ACTN1: variants seen among roughly 807,000 people sequenced by gnomAD.
ACTN1 encodes actinin alpha 1, also known as alpha-actinin-1.
In ACTN1, 30 loss-of-function variants were observed where a neutral mutation model predicts 119.6. The observed-to-expected ratio is 0.25, with a 90% CI of 0.19 to 0.34. ACTN1 has a LOEUF of 0.34. Ranked by LOEUF, ACTN1 falls within the 10% of genes least tolerant of loss-of-function variation. The pLI is 1.00. For synonymous variants in ACTN1, 429 were observed against 472.6 expected, an observed-to-expected ratio of 0.91 and a Z score of 1.20; for missense variants, 764 against 1,223.4, an observed-to-expected ratio of 0.62 and a Z score of 5.60.
At chr14:68,917,098 C>A (rs1048378485) in intron 3 of ACTN1, among the ~76,000 whole-genome samples, 2 of 152,190 alleles carry the variant, frequency 1.3e-5, no homozygotes, top group African/African-American at 4.8e-5. Flanking sequence ...TTTTTGAGTT[C>A]TCTCCCCTGG....
chr14:68,881,955 T>TTTTTTTTTTTTTA (rs58500225), intron 16 of ACTN1, among the ~76,000 whole-genome samples: 9 of 103,002 alleles, frequency 8.7e-5, no homozygotes, highest in African/African-American at 1.7e-4. Context: ...TTTTTTTTTT[T>TTTTTTTTTTTTTA]GACAGAGTCT....
At chr14:68,877,264 G>C (rs1276161805) in intron 20 of ACTN1, 24 bp from the exon 21 acceptor site, 2 of 1,613,404 alleles carry the variant, frequency 1.2e-6, no homozygotes, top group African/African-American at 2.7e-5. Context: ...CCAAACCCAG[G>C]CCTGTCAGCC....
At chr14:68,944,243 A>G (rs1476447768) in intron 1 of ACTN1, among the ~76,000 whole-genome samples, 1 of 152,196 alleles carries the variant, frequency 6.6e-6, no homozygotes, top group Non-Finnish European at 1.5e-5. Flanking sequence ...GGCCATTGAG[A>G]AAGACCGATG....
Position 68,904,488 on chromosome 14 carries a change from C to T in ACTN1, c.676+167G>A, listed in dbSNP as rs3742888. ...ACCTCTCTCTCCAAAGCTCAAAGAA[C>T]GATGGAAGAATCCCCAAGAGGCTGT... On this transcript the variant is annotated intron_variant, in intron 7 of 21. Transcript: ENST00000394419. Among the ~76,000 whole-genome samples, 15,285 of 152,254 alleles carry T rather than the reference C, an allele frequency of 0.1. 811 individuals are homozygous for T. Among genetic ancestry groups the T allele is most frequent in the Admixed American group, 0.11 (1,665 of 15,300 alleles).
rs753353982 is a variant in ACTN1, at chr14:68,878,727, C to CA, written c.2362-205dup. Reference sequence around the variant, plus strand: ...GTCCAAAGACAGGAGGAAGACAGAGCAGGGAGATGCAAAAATCCACCCATG... The same window carrying CA: ...GTCCAAAGACAGGAGGAAGACAGAGCAAGGGAGATGCAAAAATCCACCCATG... On this transcript the variant is annotated intron_variant, in intron 19 of 21. Transcript: ENST00000394419. This position sits in a 1 kb window ranked among gnomAD's most constrained non-coding sequence, Gnocchi z 4.4. The CA allele has an allele frequency of 3.3e-6, 5 of 1,536,904 alleles. No homozygotes were observed. Among genetic ancestry groups the CA allele is most frequent in the Non-Finnish European group, 3.5e-6 (4 of 1,147,258 alleles).
chr14:68,920,932 G>A lies in ACTN1; in HGVS notation c.340+74C>T, dbSNP rs1002247109. The A allele has an allele frequency of 3.2e-6, 5 of 1,579,548 alleles. No individual in the cohort carries two copies. In the African/African-American group the frequency reaches 4.1e-5, roughly 13 times the overall value. On this transcript the variant is annotated intron_variant, in intron 3 of 21. Transcript: ENST00000394419. ...AAGTGATGCATGGGCCCAGGAGGCA[G>A]CACAAAAAAGGCCAAGAGAACCAGG... is the stretch of plus-strand genomic sequence containing the variant.
intron 10 of ACTN1, among the ~76,000 whole-genome samples, chr14:68,890,650 G>GC (rs1311795309): frequency 6.6e-6 from 1 of 152,146 alleles, no homozygotes; most frequent in South Asian, 2.1e-4. Flanking sequence ...AAGGCAAAGG[G>GC]CCCCCGAGGT....
rs2031422633 is a variant in ACTN1, at chr14:68,880,686, G to T, written c.2133+124C>A. On this transcript the variant is annotated intron_variant, in intron 17 of 21. Transcript: ENST00000394419. This position sits in a 1 kb window ranked among gnomAD's most constrained non-coding sequence, Gnocchi z 4.6. ...AGGTACTAAAAATTGAAGATGTGAG[G>T]CTTCAGGGGTGAAGTTAATTTATCC... 6.1e-6 allele frequency: 6 copies of T among 978,564 alleles called. No homozygotes were observed. The South Asian group carries it at 8.1e-5, about 13-fold the overall frequency. 60.6% of individuals were successfully genotyped at this position (978,564 alleles called of 1,614,324 possible).
At chr14:68,907,381 T>C (rs1433439298) in intron 6 of ACTN1, among the ~76,000 whole-genome samples, 2 of 148,432 alleles carry the variant, frequency 1.3e-5, no homozygotes, top group Admixed American at 6.7e-5. Context: ...CTGACCAACA[T>C]GGTGAAATCC....
chr14:68,956,564 A>G (rs963162769), intron 1 of ACTN1, among the ~76,000 whole-genome samples: 3 of 152,182 alleles, frequency 2.0e-5, no homozygotes, highest in African/African-American at 7.2e-5. Flanking sequence ...TCCACGGGCC[A>G]TCCTATAAGG....
intron 1 of ACTN1, among the ~76,000 whole-genome samples, chr14:68,961,755 A>G (rs2036549326): frequency 6.6e-6 from 1 of 152,200 alleles, no homozygotes; most frequent in Non-Finnish European, 1.5e-5. Context: ...GGGGCACAGA[A>G]GGAGGAGGCA....
intron 7 of ACTN1, among the ~76,000 whole-genome samples, chr14:68,904,440 A>C (rs2033539941): frequency 1.3e-5 from 2 of 152,204 alleles, no homozygotes; most frequent in African/African-American, 4.8e-5. Context: ...ACAGCCCCTA[A>C]GACCTTTGCA....
chr14:68,890,298 G>A lies in ACTN1; in HGVS notation c.1087-12C>T, dbSNP rs1461179479. ...GCATTGTTGATGTCCTGTGGGGATG[G>A]GAGGTACAGGGTCAGGGTCTGGCTT... On this transcript the variant is annotated splice_polypyrimidine_tract_variant and intron_variant, in intron 10 of 21. Transcript: ENST00000394419. The A allele has an allele frequency of 6.2e-7, 1 of 1,613,998 alleles. No individual in the cohort carries two copies.
At chr14:68,929,761 A>G (rs2035132714) in intron 1 of ACTN1, among the ~76,000 whole-genome samples, 1 of 152,026 alleles carries the variant, frequency 6.6e-6, no homozygotes, top group Non-Finnish European at 1.5e-5. Context: ...GTCTCTGAGG[A>G]CCCGGGACAG....
intron 1 of ACTN1, among the ~76,000 whole-genome samples, chr14:68,937,152 A>C (rs2035568049): frequency 6.6e-6 from 1 of 151,822 alleles, no homozygotes; most frequent in Non-Finnish European, 1.5e-5. Flanking sequence ...CTTGCAGTCC[A>C]TTTGATACCA....
intron 1 of ACTN1, among the ~76,000 whole-genome samples, chr14:68,972,364 C>A (rs1372328291): frequency 1.3e-5 from 2 of 152,162 alleles, no homozygotes; most frequent in East Asian, 3.8e-4. Flanking sequence ...GACACACAAA[C>A]AGGGGAAGAG....
chr14:68,879,363 C>A lies in ACTN1; in HGVS notation c.2281-294G>T, dbSNP rs1389162304. On this transcript the variant is annotated intron_variant, in intron 18 of 21. Coordinates refer to ENST00000394419, the MANE Select transcript of ACTN1 (RefSeq NM_001130004.2). This position sits in a 1 kb window ranked among gnomAD's most constrained non-coding sequence, Gnocchi z 4.9. ...GAAGCTCCCTCAGAAGTGACCCAGCCCCCCCGCTTCCCCAGGGGCTTCCCC... is the reference window on the plus strand; with the variant it reads ...GAAGCTCCCTCAGAAGTGACCCAGCACCCCCGCTTCCCCAGGGGCTTCCCC... Among the ~76,000 whole-genome samples the A allele has an allele frequency of 2.0e-5, 3 of 152,040 alleles. No individual in the cohort carries two copies. The highest frequency in any genetic ancestry group is 4.4e-5 in the Non-Finnish European group (3 of 67,966).
intron 11 of ACTN1, chr14:68,887,943 T>G (rs181476): frequency 0.35 from 297,563 of 860,866 alleles, 63,260 homozygotes; most frequent in Admixed American, 0.6. Context: ...TGCACTTTTT[T>G]GTCTGAAGAT....
intron 9 of ACTN1, among the ~76,000 whole-genome samples, chr14:68,893,413 CAAG>C (rs1050850539): frequency 6.6e-5 from 10 of 152,180 alleles, no homozygotes; most frequent in East Asian, 1.9e-4. Flanking sequence ...GTGAAAAAAA[CAAG>C]AAGACTCTGA....
Sources: gnomAD v4.1 joint callset for allele counts (sites outside exome capture counted in the v4.1 genomes callset) on GRCh38, gnomAD v4.1.1 for gene constraint, Gnocchi (gnomAD v3.1) non-coding constraint, MANE v1.5 for transcripts, NCBI Gene and HGNC (gene_info 2026-07-23, HGNC 2026-07-21) for gene names.